FBXL7: variants seen among roughly 807,000 people sequenced by gnomAD.
FBXL7 encodes the protein F-box/LRR-repeat protein 7.
FBXL7 carries 12 observed loss-of-function variants against 38.3 expected under a neutral mutation model. The ratio of observed to expected loss-of-function variants is 0.31; its 90% CI spans 0.20 to 0.51. FBXL7 has a LOEUF of 0.51. Ranked by LOEUF, FBXL7 falls within the 20% of genes least tolerant of loss-of-function variation. The pLI is 0.98. For missense variants in FBXL7, 567 were observed against 676.4 expected, an observed-to-expected ratio of 0.84 and a Z score of 1.79; for synonymous variants, 297 against 300.9, an observed-to-expected ratio of 0.99 and a Z score of 0.13.
At chr5:15,930,281 GT>G (rs1278001805) in intron 3 of FBXL7, among the ~76,000 whole-genome samples, 1 of 152,156 alleles carries the variant, frequency 6.6e-6, no homozygotes, top group Non-Finnish European at 1.5e-5. Context: ...ATTTAGAAAA[GT>G]TCACAGCTTT....
chr5:15,767,199 G>GC (rs1736614736), intron 2 of FBXL7, among the ~76,000 whole-genome samples: 1 of 151,670 alleles, frequency 6.6e-6, no homozygotes, highest in South Asian at 2.1e-4. Flanking sequence ...GCGTTGTCAC[G>GC]CCCCCATGTG....
At chr5:15,666,755 A>T (rs956058426) in intron 2 of FBXL7, among the ~76,000 whole-genome samples, 12 of 152,072 alleles carry the variant, frequency 7.9e-5, no homozygotes, top group Non-Finnish European at 2.9e-5. Flanking sequence ...TTCTTTATTC[A>T]CTTTTGGATT....
At chr5:15,836,740 C>T (rs1389782051) in intron 2 of FBXL7, among the ~76,000 whole-genome samples, 1 of 152,166 alleles carries the variant, frequency 6.6e-6, no homozygotes, top group Non-Finnish European at 1.5e-5. Context: ...CAGAGGTACT[C>T]TTCAAGTTTA....
At chr5:15,805,853 C>G (rs1465608697) in intron 2 of FBXL7, among the ~76,000 whole-genome samples, 2 of 152,140 alleles carry the variant, frequency 1.3e-5, no homozygotes, top group Non-Finnish European at 2.9e-5. Flanking sequence ...TTCAATTTTA[C>G]TAGTTTATTT....
At chr5:15,542,609 G>T (rs1328741770) in intron 1 of FBXL7, among the ~76,000 whole-genome samples, 1 of 152,074 alleles carries the variant, frequency 6.6e-6, no homozygotes, top group Non-Finnish European at 1.5e-5. Context: ...TCAACATGTG[G>T]GAAGAGCCAG....
chr5:15,557,398 G>A (rs936412862), intron 1 of FBXL7, among the ~76,000 whole-genome samples: 3 of 152,176 alleles, frequency 2.0e-5, no homozygotes, highest in African/African-American at 7.2e-5. Context: ...TCTCCAAACT[G>A]TATCCTTAAC....
At chr5:15,901,732 G>T (rs536384408) in intron 2 of FBXL7, among the ~76,000 whole-genome samples, 1 of 152,246 alleles carries the variant, frequency 6.6e-6, no homozygotes, top group South Asian at 2.1e-4. Flanking sequence ...AAAGATTTTT[G>T]ATTCATACAT....
chr5:15,829,280 T>A (rs1738392746), intron 2 of FBXL7, among the ~76,000 whole-genome samples: 1 of 152,172 alleles, frequency 6.6e-6, no homozygotes, highest in African/African-American at 2.4e-5. Flanking sequence ...TTTTTGCAGC[T>A]CATTGGTTAC....
intron 1 of FBXL7, among the ~76,000 whole-genome samples, chr5:15,549,136 C>T (rs960933122): frequency 6.6e-6 from 1 of 152,154 alleles, no homozygotes; most frequent in Non-Finnish European, 1.5e-5. Flanking sequence ...TGAATTTTCC[C>T]TTTGGTTTAA....
chr5:15,809,574 C>T (rs950714250), intron 2 of FBXL7, among the ~76,000 whole-genome samples: 2 of 151,652 alleles, frequency 1.3e-5, no homozygotes, highest in Non-Finnish European at 2.9e-5. Flanking sequence ...ACCAGAGTCT[C>T]AAAGAACTAA....
chr5:15,540,883 C>G (rs1737720690), intron 1 of FBXL7, among the ~76,000 whole-genome samples: 1 of 152,084 alleles, frequency 6.6e-6, no homozygotes, highest in African/African-American at 2.4e-5. Flanking sequence ...CTCCTAGGGA[C>G]CCCATCTCCT....
chr5:15,507,900 G>A (rs1338152114), intron 1 of FBXL7, among the ~76,000 whole-genome samples: 9 of 151,906 alleles, frequency 5.9e-5, no homozygotes, highest in African/African-American at 1.9e-4. Context: ...AAAATTAGCC[G>A]GGTGTGGTGA....
chr5:15,858,800 G>T (rs1456864444), intron 2 of FBXL7, among the ~76,000 whole-genome samples: 4 of 151,960 alleles, frequency 2.6e-5, no homozygotes, highest in East Asian at 1.9e-4. Flanking sequence ...GAACCATTTT[G>T]CAGATTTTAC....
rs962195819 is a variant in FBXL7 at position 15,928,973 on chromosome 5, A to T, written c.739+472A>T. 2.0e-5 allele frequency among the ~76,000 whole-genome samples: 3 copies of T among 152,212 alleles called. No homozygotes were observed. Among genetic ancestry groups the T allele is most frequent in the Non-Finnish European group, 4.4e-5 (3 of 68,044 alleles). ...TTCAGAGCAACCATAGATAGTGCAA[A>T]CAGGGTATCTAAGTGTAGAGAAATA... On this transcript the variant is annotated intron_variant, in intron 3 of 3. Transcript: ENST00000504595. This position sits in a 1 kb window ranked among gnomAD's most constrained non-coding sequence, Gnocchi z 4.0.
chr5:15,755,421 T>C (rs1284933387), intron 2 of FBXL7, among the ~76,000 whole-genome samples: 3 of 152,166 alleles, frequency 2.0e-5, no homozygotes, highest in Non-Finnish European at 4.4e-5. Flanking sequence ...TGTATATGTG[T>C]GTGATTTTCT....
At chr5:15,642,149 A>T (rs1181649965) in intron 2 of FBXL7, among the ~76,000 whole-genome samples, 1 of 152,168 alleles carries the variant, frequency 6.6e-6, no homozygotes, top group Non-Finnish European at 1.5e-5. Flanking sequence ...GGCTTCCAAG[A>T]AATCTCAGGG....
intron 2 of FBXL7, 126 bp from the exon 3 acceptor site, chr5:15,927,764 T>TA (rs753935096): frequency 0.081 from 36,271 of 449,940 alleles, 617 homozygotes; most frequent in Admixed American, 0.088. Flanking sequence ...GACAAGATCT[T>TA]AAAAAAAAAA....
At chr5:15,541,902 CCT>C (rs1204591819) in intron 1 of FBXL7, among the ~76,000 whole-genome samples, 3 of 152,002 alleles carry the variant, frequency 2.0e-5, no homozygotes, top group Non-Finnish European at 2.9e-5. Context: ...TTACTTAACC[CCT>C]GTTTCTTTTT....
chr5:15,674,644 A>AT (rs1402288026), intron 2 of FBXL7, among the ~76,000 whole-genome samples: 4 of 152,226 alleles, frequency 2.6e-5, no homozygotes, highest in Non-Finnish European at 5.9e-5. Flanking sequence ...AACTAAAAAA[A>AT]CACGGAGACA....
Sources: gnomAD v4.1 joint callset for allele counts (sites outside exome capture counted in the v4.1 genomes callset) on GRCh38, gnomAD v4.1.1 for gene constraint, Gnocchi (gnomAD v3.1) non-coding constraint, MANE v1.5 for transcripts, NCBI Gene and HGNC (gene_info 2026-07-23, HGNC 2026-07-21) for gene names.